MACROD2: variants seen among roughly 807,000 people sequenced by gnomAD.
MACROD2 encodes mono-ADP ribosylhydrolase 2, also known as ADP-ribose glycohydrolase MACROD2.
In MACROD2, 36 loss-of-function variants were observed where a neutral mutation model predicts 70.4. The ratio of observed to expected loss-of-function variants is 0.51; its 90% CI spans 0.39 to 0.68. The LOEUF (loss-of-function observed/expected upper bound fraction) is 0.68. Ranked by LOEUF, MACROD2 falls within the 30% of genes least tolerant of loss-of-function variation. MACROD2 has a pLI of 0.00. For missense variants in MACROD2, 496 were observed against 538.4 expected (o/e 0.92, Z 0.78); for synonymous variants, 172 against 178.8 (o/e 0.96, Z 0.30).
At chr20:14,751,365 A>G (rs1357097387) in intron 5 of MACROD2, among the ~76,000 whole-genome samples, 1 of 151,864 alleles carries the variant, frequency 6.6e-6, no homozygotes, top group Non-Finnish European at 1.5e-5. Context: ...TTTAAGACAC[A>G]CAGCACATGT....
chr20:14,620,887 G>T (rs1983789314), intron 4 of MACROD2, among the ~76,000 whole-genome samples: 1 of 151,898 alleles, frequency 6.6e-6, no homozygotes, highest in Non-Finnish European at 1.5e-5. Context: ...TAATTTCTTA[G>T]CTTTGTTTTA....
intron 5 of MACROD2, chr20:14,894,128 A>G (rs752973136): frequency 6.6e-6 from 1 of 152,078 alleles, no homozygotes; most frequent in Non-Finnish European, 1.5e-5. Context: ...CATGTTTCAG[A>G]TACATTTCAA....
chr20:15,607,428 A>T (rs555222430), intron 8 of MACROD2, among the ~76,000 whole-genome samples: 2 of 152,220 alleles, frequency 1.3e-5, no homozygotes, highest in East Asian at 3.8e-4. Context: ...CTTTTCAGCC[A>T]TTGGCCATTT....
At chr20:14,682,514 G>A (rs2070945809) in intron 4 of MACROD2, among the ~76,000 whole-genome samples, 1 of 151,590 alleles carries the variant, frequency 6.6e-6, no homozygotes, top group African/African-American at 2.4e-5. Flanking sequence ...ATGTACGTGT[G>A]TGTATATAAT....
intron 4 of MACROD2, among the ~76,000 whole-genome samples, chr20:14,498,774 A>T (rs1241049223): frequency 1.3e-5 from 2 of 152,218 alleles, no homozygotes; most frequent in African/African-American, 4.8e-5. Context: ...GAATGATTTC[A>T]TAAATTTTGT....
At position 15,959,469 on chromosome 20, in the gene MACROD2, GT is replaced by G. The variant is rs561067724; in HGVS notation, c.908-8083del. On this transcript the variant is annotated intron_variant, in intron 12 of 17. Transcript: ENST00000684519. ...CAGTTTGAAATGACTAAAAAGGTGA[GT>G]GGTTTTTACAAATGGATCTAGAATA... Among the ~76,000 whole-genome samples, 14 of 152,312 alleles carry G rather than the reference GT, an allele frequency of 9.2e-5. No individual in the cohort carries two copies. The East Asian group carries it at 2.7e-3, about 29-fold the overall frequency.
At chr20:15,485,248 A>G (rs896129663) in intron 7 of MACROD2, among the ~76,000 whole-genome samples, 1 of 152,144 alleles carries the variant, frequency 6.6e-6, no homozygotes, top group African/African-American at 2.4e-5. Context: ...TCACATGTTC[A>G]TAAGTGAAAT....
chr20:15,973,211 T>A, intron 13 of MACROD2, among the ~76,000 whole-genome samples: 1 of 152,092 alleles, frequency 6.6e-6, no homozygotes, highest in Non-Finnish European at 1.5e-5. Context: ...TGTGTTTCTA[T>A]ATATTTGTCG....
intron 3 of MACROD2, among the ~76,000 whole-genome samples, chr20:14,142,439 A>G (rs774565464): frequency 4.6e-5 from 7 of 151,832 alleles, no homozygotes; most frequent in Non-Finnish European, 1.0e-4. Flanking sequence ...ATCCCAAGTT[A>G]TTTTCTTTTT....
chr20:14,539,452 G>T (rs904941404), intron 4 of MACROD2, among the ~76,000 whole-genome samples: 9 of 152,168 alleles, frequency 5.9e-5, no homozygotes, highest in African/African-American at 2.2e-4. Context: ...TGTTGGGGGA[G>T]TGAGGGAAGG....
rs537301424 is a variant in MACROD2 at position 14,221,731 on chromosome 20, G to C, written c.271+136003G>C. Among the ~76,000 whole-genome samples the C allele has an allele frequency of 2.6e-5, 4 of 152,228 alleles. No homozygotes were observed. In the East Asian group the frequency reaches 7.7e-4, roughly 29 times the overall value. ...ATGAGAGAAAGTATTTGCAAACTAC[G>C]CATCCCACAGGAGACTAATATCCAG... On this transcript the variant is annotated intron_variant, in intron 3 of 17. Coordinates refer to ENST00000684519, the MANE Select transcript of MACROD2 (RefSeq NM_001351661.2).
At chr20:14,282,131 T>C (rs2122409728) in intron 3 of MACROD2, among the ~76,000 whole-genome samples, 1 of 152,248 alleles carries the variant, frequency 6.6e-6, no homozygotes, top group Non-Finnish European at 1.5e-5. Flanking sequence ...CTACATTCAA[T>C]TTATTGTAAT....
intron 5 of MACROD2, among the ~76,000 whole-genome samples, chr20:15,061,066 G>C (rs1339300505): frequency 6.6e-6 from 1 of 152,130 alleles, no homozygotes; most frequent in Non-Finnish European, 1.5e-5. Flanking sequence ...TGCTGATGAG[G>C]GGGGACAGAA....
At chr20:15,495,343 T>G (rs945062944) in intron 7 of MACROD2, among the ~76,000 whole-genome samples, 6 of 152,232 alleles carry the variant, frequency 3.9e-5, no homozygotes, top group Admixed American at 2.6e-4. Flanking sequence ...CCATGTCCAC[T>G]GAAAGCAGGC....
At chr20:14,553,989 C>T (rs1421384518) in intron 4 of MACROD2, among the ~76,000 whole-genome samples, 1 of 152,122 alleles carries the variant, frequency 6.6e-6, no homozygotes, top group Non-Finnish European at 1.5e-5. Flanking sequence ...GTTCATAGAA[C>T]TCAACTTTCT....
chr20:14,154,075 A>G (rs892756798), intron 3 of MACROD2, among the ~76,000 whole-genome samples: 1 of 152,232 alleles, frequency 6.6e-6, no homozygotes, highest in African/African-American at 2.4e-5. Flanking sequence ...AACTGATGCT[A>G]TGTTGTTTCT....
At chr20:14,872,550 T>C (rs972122406) in intron 5 of MACROD2, among the ~76,000 whole-genome samples, 2 of 152,104 alleles carry the variant, frequency 1.3e-5, no homozygotes, top group Non-Finnish European at 2.9e-5. Flanking sequence ...TGAATAGCTT[T>C]TGGTATTTTA....
chr20:14,166,329 ATGTGTGTGTGTGTGT>A (rs1468489686), intron 3 of MACROD2, among the ~76,000 whole-genome samples: 3 of 150,350 alleles, frequency 2.0e-5, no homozygotes, highest in Non-Finnish European at 3.0e-5. Flanking sequence ...CCGTGTGTGT[ATGTGTGTGTGTGTGT>A]TGTGTGTGTG....
intron 8 of MACROD2, among the ~76,000 whole-genome samples, chr20:15,828,797 T>C (rs1200561162): frequency 6.6e-6 from 1 of 152,224 alleles, no homozygotes; most frequent in Non-Finnish European, 1.5e-5. Context: ...GTTGAAAAAC[T>C]GGTTAACATT....
Sources: gnomAD v4.1 joint callset for allele counts (sites outside exome capture counted in the v4.1 genomes callset) on GRCh38, gnomAD v4.1.1 for gene constraint, MANE v1.5 for transcripts, NCBI Gene and HGNC (gene_info 2026-07-23, HGNC 2026-07-21) for gene names.